MEI1: variants seen among roughly 807,000 people sequenced by gnomAD.
MEI1 encodes the protein meiotic double-stranded break formation protein 1.
MEI1 carries 103 observed loss-of-function variants against 146.2 expected under a neutral mutation model. The observed-to-expected ratio is 0.70, with a 90% CI of 0.60 to 0.83. The LOEUF (loss-of-function observed/expected upper bound fraction) is 0.83, where lower values mean the gene tolerates loss of function less well. Ranked by LOEUF, MEI1 falls within the 40% of genes least tolerant of loss-of-function variation. The pLI is 0.00. For synonymous variants in MEI1, 652 were observed against 628.2 expected (o/e 1.04, Z -0.57); for missense variants, 1,529 against 1,533.0 (o/e 1.00, Z 0.04).
chr22:41,771,167 T>G (rs1446752687), intron 20 of MEI1, among the ~76,000 whole-genome samples: 1 of 152,200 alleles, frequency 6.6e-6, no homozygotes, highest in Non-Finnish European at 1.5e-5. Flanking sequence ...CTAAGTCTAA[T>G]GGAAGTCTAC....
chr22:41,719,587 A>G (rs181681594), intron 6 of MEI1, among the ~76,000 whole-genome samples: 84 of 152,074 alleles, frequency 5.5e-4, no homozygotes, highest in African/African-American at 1.8e-3. Context: ...CAAACCCCAA[A>G]CTCATGACCC....
In MEI1 at chr22:41,776,170, G is replaced by A. The variant is rs867549870; in HGVS notation, c.2613G>A (p.Arg871=). The change falls in exon 21 of 31, where the codon AGG becomes AGA. Residue 871 remains arginine (R), a synonymous_variant. Coordinates refer to ENST00000401548, the MANE Select transcript of MEI1 (RefSeq NM_152513.4). ...KVLISLRTFL[R]RNEDIQVGGL... The stretch of plus-strand genomic sequence containing the variant: ...TGATTAGCCTGAGGACCTTCCTGAG[G>A]AGGAATGAGGATATCCAAGTGGGCG... The A allele has an allele frequency of 6.2e-7, 1 of 1,613,984 alleles. No individual in the cohort carries two copies. Among genetic ancestry groups the A allele is most frequent in the Non-Finnish European group, 8.5e-7 (1 of 1,179,874 alleles).
Position 41,748,179 on chromosome 22 carries a change from A to C in MEI1, c.1753A>C (p.Ile585Leu). Residue 585 changes from isoleucine (I) to leucine (L), a missense_variant, in exon 15 of 31, where the codon ATC becomes CTC. Ile to Leu is a conservative substitution (Grantham distance 5, BLOSUM62 2). Transcript: ENST00000401548. ...FLSILHNLFV[I>L]VPHMKEKFSK... The stretch of plus-strand genomic sequence containing the variant: ...CTCAATTCTACATAACCTCTTTGTC[A>C]TCGTTCCCCACATGAAGGAGAAGTT... The C allele has an allele frequency of 6.2e-7, 1 of 1,613,964 alleles. No individual in the cohort carries two copies. Among genetic ancestry groups the C allele is most frequent in the Non-Finnish European group, 8.5e-7 (1 of 1,179,878 alleles).
In MEI1 at chr22:41,745,037, C is replaced by T. The variant is rs867104442; in HGVS notation, c.1511C>T (p.Thr504Ile). Residue 504 changes from threonine (T) to isoleucine (I), a missense_variant, in exon 13 of 31, where the codon ACT becomes ATT. This residue lies in a region of MEI1 where 1,212 missense variants were observed against 1,178.9 expected (regional missense o/e 1.03). Transcript: ENST00000401548. The stretch of plus-strand genomic sequence containing the variant: ...CAAAGGGGAAAGTTCCTCCTCAGCA[C>T]TCTGGAGGGATTTAGAAGTGCCTGC... ...ILQRGKFLLSTLEGFRSACRL... is the reference protein window; with the variant it reads ...ILQRGKFLLSILEGFRSACRL... 1 of 1,562,356 alleles carries T rather than the reference C, an allele frequency of 6.4e-7. No homozygotes were observed. Among genetic ancestry groups the T allele is most frequent in the Non-Finnish European group, 8.7e-7 (1 of 1,152,558 alleles).
rs1329532676 is a variant in MEI1 at position 41,724,034 on chromosome 22, G to A, written c.825G>A (p.Gly275=). The A allele has an allele frequency of 1.2e-6, 2 of 1,613,888 alleles. No individual in the cohort carries two copies. The highest frequency in any genetic ancestry group is 8.5e-7 in the Non-Finnish European group (1 of 1,179,856). The change falls in exon 7 of 31, where the codon GGG becomes GGA. Residue 275 remains glycine (G), a synonymous_variant. Transcript: ENST00000401548. ...GAGAAAGTGCTAAGAATATCGAAGG[G>A]TCATCAGGAAATACCTCACTGCCTT... The part of the protein sequence containing the change: ...GLGESAKNIE[G]SSGNTSLPLV...
In MEI1 at chr22:41,748,165, A is replaced by G. The variant is rs768031314; in HGVS notation, c.1739A>G (p.His580Arg). The G allele has an allele frequency of 3.1e-6, 5 of 1,614,002 alleles. No homozygotes were observed. Among genetic ancestry groups the G allele is most frequent in the Admixed American group, 3.3e-5 (2 of 60,030 alleles). ...ATGGAAGTTTTCCTCTCAATTCTAC[A>G]TAACCTCTTTGTCATCGTTCCCCAC... ...ALMEVFLSIL[H>R]NLFVIVPHMK... Residue 580 changes from histidine to arginine, a missense_variant, in exon 15 of 31, where the codon CAT (histidine) becomes CGT (arginine). His to Arg is a conservative substitution (Grantham distance 29). Coordinates refer to ENST00000401548, the MANE Select transcript of MEI1 (RefSeq NM_152513.4).
chr22:41,726,092 A>G (rs1234452714), intron 7 of MEI1, among the ~76,000 whole-genome samples: 1 of 152,176 alleles, frequency 6.6e-6, no homozygotes, highest in Non-Finnish European at 1.5e-5. Flanking sequence ...AGCCTGGTCA[A>G]CATGGTGAAA....
rs373148709 is a variant in MEI1 at position 41,763,437 on chromosome 22, C to T, written c.2268+116C>T. On this transcript the variant is annotated intron_variant, in intron 19 of 30. Coordinates refer to ENST00000401548, the MANE Select transcript of MEI1 (RefSeq NM_152513.4). Reference sequence around the variant, plus strand: ...AAGCGGGTGGTAGAGAGAGACAAAGCGGAGGTGTTAGGAGTGTGGAGAGGA... The same window carrying T: ...AAGCGGGTGGTAGAGAGAGACAAAGTGGAGGTGTTAGGAGTGTGGAGAGGA... 95 of 1,199,502 alleles carry T rather than the reference C, an allele frequency of 7.9e-5. 2 individuals are homozygous for T. The South Asian group carries it at 8.7e-4, about 11-fold the overall frequency. The allele number at this position is 1,199,502 out of a possible 1,614,324, so 74.3% of individuals were successfully genotyped here. A position where few individuals can be genotyped will look rare whatever the true frequency, so the allele number is the denominator to read the frequency against.
At chr22:41,738,431 A>T (rs1455439276) in intron 11 of MEI1, among the ~76,000 whole-genome samples, 2 of 152,164 alleles carry the variant, frequency 1.3e-5, no homozygotes, top group Non-Finnish European at 2.9e-5. Flanking sequence ...TACTAAAAAT[A>T]TAAAAATTAG....
intron 5 of MEI1, among the ~76,000 whole-genome samples, chr22:41,716,739 G>A (rs1454750091): frequency 7.0e-6 from 1 of 142,554 alleles, no homozygotes; most frequent in African/African-American, 2.6e-5. Context: ...GCCCAGGCTG[G>A]AGTGCAGTGG....
chr22:41,781,407 G>T lies in MEI1; in HGVS notation c.2926+13G>T. 1 of 1,594,896 alleles carries T rather than the reference G, an allele frequency of 6.3e-7. No homozygotes were observed. Among genetic ancestry groups the T allele is most frequent in the South Asian group, 1.1e-5 (1 of 89,172 alleles). On this transcript the variant is annotated intron_variant, in intron 23 of 30. Transcript: ENST00000401548. ...AGTCAGAAAAGAGGTGCAGGGGCCC[G>T]GGCTGGGACAGTGAAGAGTGCTGGG... is the stretch of plus-strand genomic sequence containing the variant.
intron 26 of MEI1, among the ~76,000 whole-genome samples, chr22:41,790,655 C>T (rs534481253): frequency 9.9e-5 from 15 of 151,862 alleles, no homozygotes; most frequent in Admixed American, 2.6e-4. Context: ...TGCAATGGCG[C>T]GATCTCGGCT....
Position 41,732,294 on chromosome 22 carries a change from C to A in MEI1, c.1146C>A (p.Asn382Lys), listed in dbSNP as rs1330085474. 1 of 1,612,516 alleles carries A rather than the reference C, an allele frequency of 6.2e-7. No homozygotes were observed. Among genetic ancestry groups the A allele is most frequent in the East Asian group, 2.2e-5 (1 of 44,848 alleles). Reference sequence around the variant, plus strand: ...TGCAGGGAAGCCTGAAGATGAACAACATAGAGCTGCACAAGCAGGGCCTGC... The same window carrying A: ...TGCAGGGAAGCCTGAAGATGAACAAAATAGAGCTGCACAAGCAGGGCCTGC... Reference protein sequence around the residue: ...RSLQGSLKMNNIELHKQGLLL... With the variant: ...RSLQGSLKMNKIELHKQGLLL... Residue 382 changes from asparagine (N) to lysine (K), a missense_variant, in exon 10 of 31, where the codon AAC becomes AAA. Transcript: ENST00000401548.
At chr22:41,786,939 C>A (rs1569327386) in intron 26 of MEI1, among the ~76,000 whole-genome samples, 5 of 152,196 alleles carry the variant, frequency 3.3e-5, no homozygotes. Context: ...ATACTGGGGG[C>A]CCCAGGAAGA....
At chr22:41,789,059 A>G (rs534220132) in intron 26 of MEI1, among the ~76,000 whole-genome samples, 2 of 152,256 alleles carry the variant, frequency 1.3e-5, no homozygotes, top group African/African-American at 4.8e-5. Flanking sequence ...CATGCCTGTA[A>G]TCTCAGCACT....
At chr22:41,781,900 T>A in intron 24 of MEI1, 55 bp downstream of exon 24, 1 of 1,591,162 alleles carries the variant, frequency 6.3e-7, no homozygotes, top group Non-Finnish European at 8.6e-7. Flanking sequence ...AAAGGAGTGT[T>A]GAAGATCCTG....
intron 11 of MEI1, among the ~76,000 whole-genome samples, chr22:41,742,505 C>T (rs1248089756): frequency 6.6e-6 from 1 of 152,182 alleles, no homozygotes; most frequent in Non-Finnish European, 1.5e-5. Context: ...TATTAAGCAT[C>T]ATGCTAAGTG....
At chr22:41,719,204 G>A (rs2070509040) in intron 6 of MEI1, among the ~76,000 whole-genome samples, 1 of 151,906 alleles carries the variant, frequency 6.6e-6, no homozygotes, top group Non-Finnish European at 1.5e-5. Flanking sequence ...GGATGGTCTC[G>A]ATCTCCTGAC....
chr22:41,773,418 A>G (rs751993283), intron 20 of MEI1, among the ~76,000 whole-genome samples: 2 of 152,168 alleles, frequency 1.3e-5, no homozygotes, highest in Non-Finnish European at 2.9e-5. Context: ...CTAATCATTG[A>G]CTGCCTCTGA....
Sources: allele counts gnomAD v4.1 joint callset (sites outside exome capture counted in the v4.1 genomes callset), GRCh38; gene constraint gnomAD v4.1.1; regional missense constraint gnomAD v4.1.1; transcripts MANE v1.5; gene names NCBI Gene and HGNC (gene_info 2026-07-23, HGNC 2026-07-21).